Variants in DAB1 observed in about 807,000 individuals in gnomAD.
The protein encoded by DAB1 is DAB adaptor protein 1, also known as disabled homolog 1.
Under a neutral mutation model 64.6 loss-of-function variants are expected in DAB1, and 15 were observed. That is an observed-to-expected ratio of 0.23 (90% confidence interval 0.16 to 0.36). The LOEUF (loss-of-function observed/expected upper bound fraction) is 0.36. Among genes scored for constraint, DAB1 ranks in the 10% least tolerant of loss-of-function variants. DAB1 has a pLI of 1.00. For synonymous variants in DAB1, 235 were observed against 251.9 expected, an observed-to-expected ratio of 0.93 and a Z score of 0.64; for missense variants, 596 against 706.7, an observed-to-expected ratio of 0.84 and a Z score of 1.78.
chr1:57,574,730 T>C (rs990014571), intron 7 of DAB1, among the ~76,000 whole-genome samples: 1 of 152,156 alleles, frequency 6.6e-6, no homozygotes, highest in Non-Finnish European at 1.5e-5. Flanking sequence ...ACAAAGTACA[T>C]GCCAGATCCC....
chr1:57,162,086 G>A (rs776841062), intron 2 of DAB1, among the ~76,000 whole-genome samples: 1 of 152,128 alleles, frequency 6.6e-6, no homozygotes, highest in Non-Finnish European at 1.5e-5. Context: ...TCTTACTAAA[G>A]GCAGTGAAAA....
chr1:57,204,224 T>A (rs1665350975), intron 2 of DAB1, among the ~76,000 whole-genome samples: 1 of 152,100 alleles, frequency 6.6e-6, no homozygotes, highest in Admixed American at 6.6e-5. Context: ...CCAGCAGATT[T>A]TTTATTTCAT....
At chr1:57,883,045 G>C (rs903562438) in intron 1 of DAB1, among the ~76,000 whole-genome samples, 2 of 152,146 alleles carry the variant, frequency 1.3e-5, no homozygotes, top group Admixed American at 6.5e-5. Flanking sequence ...GTTTTGATCT[G>C]TGAACTTCCA....
intron 5 of DAB1, among the ~76,000 whole-genome samples, chr1:58,123,628 T>G (rs1303731968): frequency 6.6e-6 from 1 of 152,156 alleles, no homozygotes; most frequent in Non-Finnish European, 1.5e-5. Context: ...CACACAGTGC[T>G]AAGTAAAAAG....
intron 6 of DAB1, among the ~76,000 whole-genome samples, chr1:57,752,063 C>A (rs549395912): frequency 3.3e-5 from 5 of 152,142 alleles, no homozygotes; most frequent in African/African-American, 1.2e-4. Flanking sequence ...CTGCCAATTC[C>A]CCCAGCAGTA....
At position 57,508,258 on chromosome 1, in the gene DAB1, C is replaced by A. The variant is rs191898653; in HGVS notation, n.625+141334G>T. ...TTTCCATTTCCATCTCTCAAAATTC[C>A]ACCCCTCTACATGAATGAATGCCTG... On this transcript the variant is annotated intron_variant and non_coding_transcript_variant, in intron 7 of 20. Transcript: ENST00000485760. Among the ~76,000 whole-genome samples the A allele has an allele frequency of 5.3e-5, 8 of 152,276 alleles. 1 individual carries two copies. In the East Asian group the frequency reaches 1.5e-3, roughly 29 times the overall value.
intron 5 of DAB1, among the ~76,000 whole-genome samples, chr1:57,915,062 TA>T (rs1196705236): frequency 1.4e-5 from 2 of 142,194 alleles, no homozygotes; most frequent in Non-Finnish European, 3.0e-5. Flanking sequence ...ATTATAGAAC[TA>T]AATGAGACAA....
intron 9 of DAB1, among the ~76,000 whole-genome samples, chr1:57,039,139 C>G (rs1371737645): frequency 6.6e-6 from 1 of 152,194 alleles, no homozygotes; most frequent in Non-Finnish European, 1.5e-5. Flanking sequence ...GTTTTCAGTT[C>G]AAACTGCTGC....
At chr1:57,196,236 T>G (rs1664611017) in intron 2 of DAB1, among the ~76,000 whole-genome samples, 1 of 152,222 alleles carries the variant, frequency 6.6e-6, no homozygotes, top group African/African-American at 2.4e-5. Flanking sequence ...AAAGCTGTTT[T>G]TAAGAAAGGA....
intron 4 of DAB1, among the ~76,000 whole-genome samples, chr1:58,240,171 C>A (rs1178383314): frequency 1.3e-5 from 2 of 152,188 alleles, no homozygotes; most frequent in Non-Finnish European, 2.9e-5. Context: ...AAAAATAGAA[C>A]CTCAATTCTG....
intron 14 of DAB1, among the ~76,000 whole-genome samples, chr1:57,010,263 A>G (rs1646223144): frequency 6.6e-6 from 1 of 152,148 alleles, no homozygotes; most frequent in African/African-American, 2.4e-5. Context: ...CAAAATGTTG[A>G]TGCTTCCAGA....
At chr1:58,220,902 A>G (rs572889909) in intron 4 of DAB1, among the ~76,000 whole-genome samples, 12 of 151,128 alleles carry the variant, frequency 7.9e-5, no homozygotes, top group African/African-American at 2.9e-4. Flanking sequence ...TATATATATT[A>G]TCAATGTGAA....
intron 11 of DAB1, among the ~76,000 whole-genome samples, chr1:57,017,639 G>A (rs151194922): frequency 5.9e-5 from 9 of 152,274 alleles, no homozygotes; most frequent in African/African-American, 1.4e-4. Context: ...GATTAATCTC[G>A]CAGTGTTAAA....
chr1:57,286,556 C>T (rs1672331842), intron 2 of DAB1, among the ~76,000 whole-genome samples: 1 of 152,152 alleles, frequency 6.6e-6, no homozygotes. Flanking sequence ...TGCATGGTTA[C>T]TTTGTCCTTT....
In DAB1 at chr1:57,969,026, T is replaced by C. The variant is rs183042719; in HGVS notation, n.388-84864A>G. Among the ~76,000 whole-genome samples, 662 of 152,330 alleles carry C rather than the reference T, an allele frequency of 4.3e-3. 5 individuals are homozygous for C. The highest frequency in any genetic ancestry group is 0.015 in the African/African-American group (621 of 41,586). On this transcript the variant is annotated intron_variant and non_coding_transcript_variant, in intron 5 of 20. Coordinates refer to the DAB1 transcript ENST00000485760. ...TAAGTTCTTAAACCTTTCAGTATCA[T>C]TCTTGTTTATCTGGAATAATTTAAG...
chr1:57,728,346 C>A (rs1442778939), intron 6 of DAB1, among the ~76,000 whole-genome samples: 1 of 152,140 alleles, frequency 6.6e-6, no homozygotes, highest in Non-Finnish European at 1.5e-5. Flanking sequence ...GTAATCCCAG[C>A]ACTTTGGGAG....
intron 4 of DAB1, among the ~76,000 whole-genome samples, chr1:58,281,725 T>G (rs999818494): frequency 1.7e-4 from 26 of 152,238 alleles, no homozygotes; most frequent in Non-Finnish European, 3.7e-4. Flanking sequence ...CTTTATGATC[T>G]TAGGCAAGGT....
intron 3 of DAB1, among the ~76,000 whole-genome samples, chr1:58,384,050 T>C (rs953818265): frequency 1.3e-5 from 2 of 152,104 alleles, no homozygotes; most frequent in African/African-American, 4.8e-5. Context: ...TTGTTATCTT[T>C]TGTTGTTGTT....
chr1:58,035,353 G>A (rs1006437492), intron 5 of DAB1, among the ~76,000 whole-genome samples: 1 of 152,188 alleles, frequency 6.6e-6, no homozygotes, highest in Non-Finnish European at 1.5e-5. Context: ...ACAGTTTTTT[G>A]CTGTAAAGCC....
Sources: gnomAD v4.1 joint callset for allele counts (sites outside exome capture counted in the v4.1 genomes callset) on GRCh38, gnomAD v4.1.1 for gene constraint, MANE v1.5 for transcripts, NCBI Gene and HGNC (gene_info 2026-07-23, HGNC 2026-07-21) for gene names.